The following NRG3 variants were observed in gnomAD, a reference collection of about 807,000 sequenced individuals.
The protein encoded by NRG3 is neuregulin 3, also known as pro-neuregulin-3, membrane-bound isoform.
Under a neutral mutation model 66.9 loss-of-function variants are expected in NRG3, and 31 were observed. The ratio of observed to expected loss-of-function variants is 0.46; its 90% confidence interval spans 0.35 to 0.63. The LOEUF (loss-of-function observed/expected upper bound fraction) is 0.63. Among genes scored for constraint, NRG3 ranks in the 20% least tolerant of loss-of-function variants. NRG3 has a pLI of 0.00. For missense variants in NRG3, 910 were observed against 878.9 expected, an observed-to-expected ratio of 1.04 and a Z score of -0.45; for synonymous variants, 393 against 359.4, an observed-to-expected ratio of 1.09 and a Z score of -1.06.
intron 4 of NRG3, among the ~76,000 whole-genome samples, chr10:82,896,145 A>G (rs1453674005): frequency 6.6e-6 from 1 of 152,192 alleles, no homozygotes; most frequent in Non-Finnish European, 1.5e-5. Flanking sequence ...TTACATGATG[A>G]AAGGTAAGAA....
chr10:82,494,598 C>A (rs2132281689), intron 2 of NRG3, among the ~76,000 whole-genome samples: 1 of 151,992 alleles, frequency 6.6e-6, no homozygotes, highest in African/African-American at 2.4e-5. Context: ...ATCTAATATG[C>A]AAAGATGTAT....
chr10:82,973,764 C>A, intron 6 of NRG3, 24 bp from the exon 7 acceptor site: 1 of 1,613,576 alleles, frequency 6.2e-7, no homozygotes, highest in Non-Finnish European at 8.5e-7. Context: ...TTCGTCTCAA[C>A]TCTGTACGTG....
At chr10:82,220,648 C>G (rs999487528) in intron 1 of NRG3, among the ~76,000 whole-genome samples, 1 of 152,078 alleles carries the variant, frequency 6.6e-6, no homozygotes, top group African/African-American at 2.4e-5. Flanking sequence ...TTTCTCAATA[C>G]CACATGCTTT....
chr10:82,583,086 GT>G (rs1174186292), intron 2 of NRG3, among the ~76,000 whole-genome samples: 1 of 152,258 alleles, frequency 6.6e-6, no homozygotes, highest in East Asian at 1.9e-4. Flanking sequence ...TGTTTCAATG[GT>G]TTTAATGGGA....
chr10:82,699,777 G>A (rs1022083386), intron 2 of NRG3, among the ~76,000 whole-genome samples: 2 of 151,836 alleles, frequency 1.3e-5, no homozygotes, highest in Non-Finnish European at 2.9e-5. Flanking sequence ...CAATATCCAT[G>A]AATTATTCTT....
chr10:81,878,138 G>A, intron 1 of NRG3: 2 of 1,434,922 alleles, frequency 1.4e-6, no homozygotes, highest in South Asian at 1.4e-5. Flanking sequence ...TACATTCCGT[G>A]GACGGGAATG....
At chr10:81,925,297 C>T (rs1245609749) in intron 1 of NRG3, among the ~76,000 whole-genome samples, 3 of 152,184 alleles carry the variant, frequency 2.0e-5, no homozygotes, top group East Asian at 3.8e-4. Context: ...GTCTGACTTT[C>T]ATCACTTTGT....
chr10:82,951,427 C>A (rs751893927), intron 4 of NRG3, 42 bp from the exon 5 acceptor site: 1 of 1,466,802 alleles, frequency 6.8e-7, no homozygotes, highest in South Asian at 1.1e-5. Flanking sequence ...TGCTGATGCA[C>A]CCCGCTAGCA....
chr10:82,686,850 G>C (rs933687731), intron 2 of NRG3, among the ~76,000 whole-genome samples: 2 of 152,128 alleles, frequency 1.3e-5, no homozygotes, highest in East Asian at 3.9e-4. Flanking sequence ...ATGCATATAG[G>C]TTTTGGGTCT....
chr10:82,371,984 C>T (rs1307456178), intron 2 of NRG3, among the ~76,000 whole-genome samples: 1 of 152,130 alleles, frequency 6.6e-6, no homozygotes, highest in Non-Finnish European at 1.5e-5. Flanking sequence ...GGTCTAATTT[C>T]AACATGAGAG....
intron 2 of NRG3, among the ~76,000 whole-genome samples, chr10:82,695,435 A>G (rs2055295735): frequency 6.6e-6 from 1 of 152,142 alleles, no homozygotes; most frequent in Non-Finnish European, 1.5e-5. Context: ...ATAGGATCGC[A>G]GTTTAATATA....
intron 3 of NRG3, among the ~76,000 whole-genome samples, chr10:82,784,581 G>A (rs1428764593): frequency 1.3e-5 from 2 of 152,104 alleles, no homozygotes; most frequent in Non-Finnish European, 2.9e-5. Flanking sequence ...AGACATTTAT[G>A]CAGCCAAAAG....
At chr10:82,727,956 T>A (rs1273277270) in intron 2 of NRG3, among the ~76,000 whole-genome samples, 2 of 152,186 alleles carry the variant, frequency 1.3e-5, no homozygotes, top group East Asian at 3.9e-4. Flanking sequence ...AAGATTTGAC[T>A]GCCCTGCTGG....
At chr10:82,076,242 A>T (rs914901077) in intron 1 of NRG3, among the ~76,000 whole-genome samples, 2 of 152,194 alleles carry the variant, frequency 1.3e-5, no homozygotes, top group Non-Finnish European at 2.9e-5. Flanking sequence ...TTGATGCTCA[A>T]ACATAAACTG....
At chr10:82,030,368 A>G (rs988948622) in intron 1 of NRG3, among the ~76,000 whole-genome samples, 1 of 152,098 alleles carries the variant, frequency 6.6e-6, no homozygotes, top group African/African-American at 2.4e-5. Context: ...GTAAGGAGAG[A>G]ATTCAGGAAA....
intron 1 of NRG3, among the ~76,000 whole-genome samples, chr10:81,937,974 C>T (rs997120293): frequency 6.6e-6 from 1 of 151,978 alleles, no homozygotes; most frequent in African/African-American, 2.4e-5. Flanking sequence ...TCCAGTTTTC[C>T]TGATACCATT....
intron 2 of NRG3, among the ~76,000 whole-genome samples, chr10:82,539,558 G>A (rs924914091): frequency 2.0e-5 from 3 of 152,096 alleles, no homozygotes; most frequent in Admixed American, 2.0e-4. Context: ...AATTGCCTCT[G>A]TAATTATTAT....
Position 82,940,518 on chromosome 10 carries a change from T to G in NRG3, c.1055-10951T>G, listed in dbSNP as rs1848494232. On this transcript the variant is annotated intron_variant, in intron 4 of 8. Transcript: ENST00000372141. ...TGGATTAGGATCCATTTTCATGACC[T>G]CATCTTAACTTGATCCTCTTCAAAG... Among the ~76,000 whole-genome samples the G allele has an allele frequency of 3.3e-5, 5 of 152,182 alleles. No homozygotes were observed. The South Asian group carries it at 1.0e-3, about 31-fold the overall frequency.
chr10:82,973,774 G>T lies in NRG3; in HGVS notation c.1285-14G>T. On this transcript the variant is annotated splice_polypyrimidine_tract_variant and intron_variant, in intron 6 of 8. Coordinates refer to ENST00000372141, the MANE Select transcript of NRG3 (RefSeq NM_001010848.4). ...TATCCTTCGTCTCAACTCTGTACGTGTGATTTCCCACAGTATTCAAAGGTG... is the reference window on the plus strand; with the variant it reads ...TATCCTTCGTCTCAACTCTGTACGTTTGATTTCCCACAGTATTCAAAGGTG... 1 of 1,613,848 alleles carries T rather than the reference G, an allele frequency of 6.2e-7. No individual in the cohort carries two copies. Among genetic ancestry groups the T allele is most frequent in the South Asian group, 1.1e-5 (1 of 91,086 alleles).
Sources: gnomAD v4.1 joint callset for allele counts (sites outside exome capture counted in the v4.1 genomes callset) on GRCh38, gnomAD v4.1.1 for gene constraint, MANE v1.5 for transcripts, NCBI Gene and HGNC (gene_info 2026-07-23, HGNC 2026-07-21) for gene names.